AK5: variants seen among roughly 807,000 people sequenced by gnomAD.
AK5 encodes the protein adenylate kinase 5, also known as adenylate kinase isoenzyme 5.
Under a neutral mutation model 69.5 loss-of-function variants are expected in AK5, and 27 were observed. That is an observed-to-expected ratio of 0.39 (90% confidence interval 0.29 to 0.54). AK5 has a LOEUF of 0.54. AK5 is among the 20% of genes least tolerant of loss of function. The pLI, the probability that AK5 is intolerant of heterozygous loss-of-function variation, is 0.71. For missense variants in AK5, 531 were observed against 700.4 expected, an observed-to-expected ratio of 0.76 and a Z score of 2.73; for synonymous variants, 260 against 244.4, an observed-to-expected ratio of 1.06 and a Z score of -0.60.
At chr1:77,322,254 G>A (rs1377668632) in intron 5 of AK5, among the ~76,000 whole-genome samples, 2 of 134,000 alleles carry the variant, frequency 1.5e-5, no homozygotes, top group Admixed American at 7.7e-5. Context: ...TAATCTGTTT[G>A]TAGTCCTTGG....
intron 13 of AK5, among the ~76,000 whole-genome samples, chr1:77,537,023 A>G (rs1659008953): frequency 6.6e-6 from 1 of 152,152 alleles, no homozygotes; most frequent in African/African-American, 2.4e-5. Flanking sequence ...CATCAATTGC[A>G]CTAGTGGTTT....
intron 6 of AK5, among the ~76,000 whole-genome samples, chr1:77,387,757 C>T (rs1412001588): frequency 6.6e-6 from 1 of 152,144 alleles, no homozygotes; most frequent in African/African-American, 2.4e-5. Context: ...TCAAAACAAG[C>T]CTCTTGCATC....
intron 11 of AK5, among the ~76,000 whole-genome samples, chr1:77,519,666 A>G (rs1657872655): frequency 6.6e-6 from 1 of 152,232 alleles, no homozygotes; most frequent in Non-Finnish European, 1.5e-5. Flanking sequence ...TATGCTAAAC[A>G]AGGGATGGAT....
At chr1:77,447,288 T>C (rs1652809754) in intron 8 of AK5, among the ~76,000 whole-genome samples, 1 of 152,228 alleles carries the variant, frequency 6.6e-6, no homozygotes, top group Admixed American at 6.5e-5. Context: ...GAAATGTCCT[T>C]CATAGCTTCA....
At chr1:77,307,853 A>G (rs904184422) in intron 5 of AK5, among the ~76,000 whole-genome samples, 1 of 152,202 alleles carries the variant, frequency 6.6e-6, no homozygotes, top group African/African-American at 2.4e-5. Flanking sequence ...TCTTTCAGCA[A>G]TATGAAGTTA....
intron 8 of AK5, among the ~76,000 whole-genome samples, chr1:77,437,844 T>C (rs781007278): frequency 6.6e-6 from 1 of 152,152 alleles, no homozygotes; most frequent in Non-Finnish European, 1.5e-5. Flanking sequence ...GCAAAATTTT[T>C]ATGTCAAAGA....
chr1:77,331,412 G>A (rs1162843181), intron 5 of AK5, among the ~76,000 whole-genome samples: 1 of 152,088 alleles, frequency 6.6e-6, no homozygotes, highest in Admixed American at 6.5e-5. Context: ...TTTGATAAGA[G>A]TATCATGAAT....
chr1:77,336,655 C>G (rs1557506624), intron 5 of AK5, among the ~76,000 whole-genome samples: 1 of 152,162 alleles, frequency 6.6e-6, no homozygotes, highest in East Asian at 1.9e-4. Flanking sequence ...TTACTATTGC[C>G]AGTGAGTTTT....
intron 6 of AK5, among the ~76,000 whole-genome samples, chr1:77,404,783 C>T (rs1440232040): frequency 6.6e-6 from 1 of 152,122 alleles, no homozygotes; most frequent in African/African-American, 2.4e-5. Context: ...CATGGCTCTA[C>T]GTTTGTATGT....
chr1:77,478,765 C>T (rs1340622008), intron 8 of AK5, among the ~76,000 whole-genome samples: 1 of 152,080 alleles, frequency 6.6e-6, no homozygotes, highest in African/African-American at 2.4e-5. Context: ...TTTTGATCTC[C>T]CTCATTTAAA....
chr1:77,384,490 G>T (rs999547658), intron 6 of AK5, among the ~76,000 whole-genome samples: 6 of 152,092 alleles, frequency 3.9e-5, no homozygotes, highest in African/African-American at 1.4e-4. Flanking sequence ...GTGTTTTAAA[G>T]ATAAGGAAAT....
intron 8 of AK5, among the ~76,000 whole-genome samples, chr1:77,427,947 G>T (rs1197190621): frequency 6.6e-6 from 1 of 152,092 alleles, no homozygotes; most frequent in Non-Finnish European, 1.5e-5. Flanking sequence ...ACATAAAATG[G>T]GAACTCACTT....
chr1:77,558,131 T>C (rs1377971867), intron 13 of AK5, among the ~76,000 whole-genome samples: 1 of 152,184 alleles, frequency 6.6e-6, no homozygotes, highest in East Asian at 1.9e-4. Context: ...TGCTTCCAAG[T>C]TTTGTCAATT....
chr1:77,416,611 G>A (rs943991064), intron 7 of AK5, among the ~76,000 whole-genome samples: 2 of 152,066 alleles, frequency 1.3e-5, no homozygotes, highest in African/African-American at 4.8e-5. Context: ...GAGAAGAGAA[G>A]GGGGAAAAAA....
At chr1:77,557,969 T>G (rs1354757775) in intron 13 of AK5, among the ~76,000 whole-genome samples, 3 of 151,714 alleles carry the variant, frequency 2.0e-5, no homozygotes, top group African/African-American at 7.3e-5. Context: ...TTCCAGAATG[T>G]CATATAATTG....
At chr1:77,424,104 A>G (rs1216564164) in intron 8 of AK5, among the ~76,000 whole-genome samples, 1 of 152,190 alleles carries the variant, frequency 6.6e-6, no homozygotes, top group Non-Finnish European at 1.5e-5. Context: ...CAGCATTACT[A>G]AAGATTATTT....
chr1:77,424,752 T>C (rs1178258369), intron 8 of AK5, among the ~76,000 whole-genome samples: 1 of 152,040 alleles, frequency 6.6e-6, no homozygotes, highest in Non-Finnish European at 1.5e-5. Flanking sequence ...AAAACAGAAC[T>C]GAATATCTGA....
intron 5 of AK5, among the ~76,000 whole-genome samples, chr1:77,333,221 G>T (rs1382354743): frequency 1.3e-5 from 2 of 151,946 alleles, no homozygotes; most frequent in Non-Finnish European, 2.9e-5. Flanking sequence ...CACCTCTGAG[G>T]CCCCACCTCA....
intron 8 of AK5, among the ~76,000 whole-genome samples, chr1:77,425,178 C>G (rs1367001938): frequency 1.3e-5 from 2 of 152,148 alleles, no homozygotes; most frequent in Non-Finnish European, 2.9e-5. Context: ...ACAAAATTAT[C>G]CTTCAAAAAT....
Sources: allele counts gnomAD v4.1 joint callset (sites outside exome capture counted in the v4.1 genomes callset), GRCh38; gene constraint gnomAD v4.1.1; transcripts MANE v1.5; gene names NCBI Gene and HGNC (gene_info 2026-07-23, HGNC 2026-07-21).